Variants in CAP2 observed in about 807,000 individuals in gnomAD.
CAP2 encodes cyclase associated actin cytoskeleton regulatory protein 2, also known as adenylyl cyclase-associated protein 2.
Under a neutral mutation model 57.7 loss-of-function variants are expected in CAP2, and 24 were observed. That is an observed-to-expected ratio of 0.42 (90% CI 0.30 to 0.58). The LOEUF is 0.58. CAP2 is among the 20% of genes least tolerant of loss of function. CAP2 has a pLI of 0.22. For missense variants in CAP2, 501 were observed against 590.3 expected (o/e 0.85, Z 1.57); for synonymous variants, 194 against 207.2 (o/e 0.94, Z 0.55).
intron 4 of CAP2, among the ~76,000 whole-genome samples, chr6:17,496,173 C>T (rs1451139547): frequency 6.6e-6 from 1 of 152,016 alleles, no homozygotes. Context: ...TCCATGAAAC[C>T]CTGAAGCTAC....
At chr6:17,507,392 C>G in intron 5 of CAP2, 80 bp downstream of exon 5, 1 of 1,435,530 alleles carries the variant, frequency 7.0e-7, no homozygotes, top group Non-Finnish European at 9.7e-7. Flanking sequence ...TAGCTACCTT[C>G]ACGCTCCTTG....
At chr6:17,478,889 C>T (rs1761220774) in intron 4 of CAP2, among the ~76,000 whole-genome samples, 1 of 152,176 alleles carries the variant, frequency 6.6e-6, no homozygotes, top group Admixed American at 6.5e-5. Context: ...CCATCACCCT[C>T]CTCAAAGTTT....
In CAP2 at chr6:17,520,063, T is replaced by A. The variant is rs1345853588; in HGVS notation, c.636+6109T>A. On this transcript the variant is annotated intron_variant, in intron 7 of 12. Transcript: ENST00000229922. ...ATGGATGAATGTATATACAGTCTTA[T>A]GTAATAGTGATGTAGTTCTATTTTT... Among the ~76,000 whole-genome samples, 3 of 152,194 alleles carry A rather than the reference T, an allele frequency of 2.0e-5. No individual in the cohort carries two copies. The East Asian group carries it at 5.8e-4, about 29-fold the overall frequency.
At position 17,521,374 on chromosome 6, in the gene CAP2, C is replaced by T. The variant is rs559090604; in HGVS notation, c.636+7420C>T. 1.7e-4 allele frequency among the ~76,000 whole-genome samples: 26 copies of T among 151,966 alleles called. No homozygotes were observed. In the South Asian group the frequency reaches 5.2e-3, roughly 30 times the overall value. ...CGGAGCTTGCAGTGAGCCAAGATGGCACCACTGCACTCCAGCCTGGGCCAC... is the reference window on the plus strand; with the variant it reads ...CGGAGCTTGCAGTGAGCCAAGATGGTACCACTGCACTCCAGCCTGGGCCAC... On this transcript the variant is annotated intron_variant, in intron 7 of 12. Transcript: ENST00000229922.
intron 11 of CAP2, among the ~76,000 whole-genome samples, chr6:17,545,698 C>T (rs568766477): frequency 3.3e-5 from 5 of 152,246 alleles, no homozygotes; most frequent in African/African-American, 1.2e-4. Context: ...CCCTCCCCCT[C>T]CCCCAACCTC....
chr6:17,510,470 C>T (rs1253601803), intron 6 of CAP2, among the ~76,000 whole-genome samples: 1 of 152,178 alleles, frequency 6.6e-6, no homozygotes, highest in African/African-American at 2.4e-5. Flanking sequence ...TTCAGTGCGC[C>T]TCTTTTCCTC....
chr6:17,497,987 T>C (rs1761711470), intron 4 of CAP2, among the ~76,000 whole-genome samples: 1 of 152,244 alleles, frequency 6.6e-6, no homozygotes, highest in African/African-American at 2.4e-5. Flanking sequence ...GGTCATTGTG[T>C]TAAACGTTTA....
intron 3 of CAP2, among the ~76,000 whole-genome samples, chr6:17,435,677 A>G (rs905212696): frequency 2.7e-5 from 1 of 37,616 alleles, no homozygotes; most frequent in Non-Finnish European, 5.0e-5. Flanking sequence ...AACTTAGAGT[A>G]TAATAAAAAA....
chr6:17,421,569 A>T lies in CAP2; in HGVS notation c.14A>T (p.Gln5Leu), dbSNP rs1759447771. 1 of 1,614,214 alleles carries T rather than the reference A, an allele frequency of 6.2e-7. No homozygotes were observed. Among genetic ancestry groups the T allele is most frequent in the South Asian group, 1.1e-5 (1 of 91,082 alleles). Residue 5 changes from glutamine (Q) to leucine (L), a missense_variant, in exon 2 of 13, where the codon CAG (glutamine) becomes CTG (leucine). By Grantham distance (113) the Gln-to-Leu change is moderately radical (BLOSUM62 -2). Transcript: ENST00000229922. ...TGCTTTTCTAGAATGGCCAACATGC[A>T]GGGACTGGTGGAAAGACTGGAACGA... MANM[Q>L]GLVERLERAV...
intron 4 of CAP2, among the ~76,000 whole-genome samples, chr6:17,482,367 G>A (rs891087876): frequency 1.3e-5 from 2 of 152,014 alleles, no homozygotes; most frequent in Non-Finnish European, 2.9e-5. Context: ...AAATTAGCCG[G>A]GCATGGTGGC....
intron 11 of CAP2, among the ~76,000 whole-genome samples, chr6:17,547,796 G>A (rs533095982): frequency 3.2e-4 from 48 of 149,182 alleles, no homozygotes; most frequent in African/African-American, 9.1e-4. Context: ...AGCTGAGATC[G>A]CGCCACTGCA....
chr6:17,427,661 A>G (rs1172627815), intron 3 of CAP2, among the ~76,000 whole-genome samples: 1 of 152,084 alleles, frequency 6.6e-6, no homozygotes, highest in Non-Finnish European at 1.5e-5. Flanking sequence ...ACTTCTATGT[A>G]TATCCCCCAA....
chr6:17,480,125 A>C (rs1324751219), intron 4 of CAP2, among the ~76,000 whole-genome samples: 1 of 152,092 alleles, frequency 6.6e-6, no homozygotes, highest in Non-Finnish European at 1.5e-5. Flanking sequence ...CAAGCAGAAA[A>C]CAAAGCAAAT....
chr6:17,478,489 A>T (rs545546184), intron 4 of CAP2, among the ~76,000 whole-genome samples: 1 of 151,976 alleles, frequency 6.6e-6, no homozygotes, highest in South Asian at 2.1e-4. Context: ...ATCTGATAAC[A>T]TTATAAATAT....
chr6:17,506,660 G>A (rs954632886), intron 4 of CAP2, among the ~76,000 whole-genome samples: 2 of 152,004 alleles, frequency 1.3e-5, no homozygotes, highest in African/African-American at 2.4e-5. Context: ...GGGTTGCGGG[G>A]GAGGCCTCAG....
rs1561828888 is a variant in CAP2 at position 17,556,493 on chromosome 6, C to G, written c.*51C>G. 2 of 1,320,970 alleles carry G rather than the reference C, an allele frequency of 1.5e-6. No homozygotes were observed. The highest frequency in any genetic ancestry group is 1.2e-5 in the South Asian group (1 of 84,966). 81.8% of individuals were successfully genotyped at this position (1,320,970 alleles called of 1,614,324 possible). ...CCTGAATCCCCCTCTATCAAACAAACAAAAAAGCAGCAGTAAAGAGCTAGA... is the reference window on the plus strand; with the variant it reads ...CCTGAATCCCCCTCTATCAAACAAAGAAAAAAGCAGCAGTAAAGAGCTAGA... On this transcript the variant is annotated 3_prime_UTR_variant, in exon 13 of 13. Transcript: ENST00000229922.
At chr6:17,432,214 A>G (rs1262252963) in intron 3 of CAP2, among the ~76,000 whole-genome samples, 3 of 152,166 alleles carry the variant, frequency 2.0e-5, no homozygotes, top group East Asian at 1.9e-4. Flanking sequence ...TATTCTTTCA[A>G]TTCTTTTGAT....
chr6:17,490,373 C>G (rs1561802315), intron 4 of CAP2, among the ~76,000 whole-genome samples: 1 of 152,182 alleles, frequency 6.6e-6, no homozygotes, highest in Admixed American at 6.5e-5. Context: ...TCATATCTTC[C>G]TGGTGTTGTT....
chr6:17,453,998 C>A (rs1264391582), intron 3 of CAP2, among the ~76,000 whole-genome samples: 1 of 137,670 alleles, frequency 7.3e-6, no homozygotes, highest in African/African-American at 3.5e-5. Context: ...AACCCTCCCA[C>A]CTCAGCCTCC....
Sources: gnomAD v4.1 joint callset for allele counts (sites outside exome capture counted in the v4.1 genomes callset) on GRCh38, gnomAD v4.1.1 for gene constraint, MANE v1.5 for transcripts, NCBI Gene and HGNC (gene_info 2026-07-23, HGNC 2026-07-21) for gene names.